The following FOXF2 variants were observed in gnomAD, a reference collection of about 807,000 sequenced individuals.
FOXF2 encodes forkhead box F2.
FOXF2 carries 15 observed loss-of-function variants against 29.1 expected under a neutral mutation model. The observed-to-expected ratio is 0.52, with a 90% CI of 0.35 to 0.79. The LOEUF is 0.79. FOXF2 is among the 30% of genes least tolerant of loss of function. The pLI is 0.01. For synonymous variants in FOXF2, 337 were observed against 316.5 expected (o/e 1.06, Z -0.69); for missense variants, 675 against 667.1 (o/e 1.01, Z -0.13).
chr6:1,390,582 G>A lies in FOXF2; in HGVS notation c.635G>A (p.Ser212Asn), dbSNP rs1165568399. ...AAGCCCATGTACCACCGCGTGGTGAGCGGCTTGGGCTTCGGGGCGTCGCTG... is the reference window on the plus strand; with the variant it reads ...AAGCCCATGTACCACCGCGTGGTGAACGGCTTGGGCTTCGGGGCGTCGCTG... Reference protein sequence around the residue: ...ALKPMYHRVVSGLGFGASLLP... With the variant: ...ALKPMYHRVVNGLGFGASLLP... The change falls in exon 1 of 2, where the codon AGC becomes AAC. Residue 212 changes from serine (S) to asparagine (N), a missense_variant. Physicochemically the swap from Ser to Asn is conservative, Grantham distance 46 (BLOSUM62 1). Transcript: ENST00000645481. The surrounding 1 kb of genome is among the most constrained non-coding windows in gnomAD (Gnocchi z 8.5). The A allele has an allele frequency of 2.5e-6, 4 of 1,598,988 alleles. No individual in the cohort carries two copies. The highest frequency in any genetic ancestry group is 2.2e-5 in the South Asian group (2 of 90,614).
At chr6:1,392,267 G>A (rs1758803963) in intron 1 of FOXF2, among the ~76,000 whole-genome samples, 3 of 152,246 alleles carry the variant, frequency 2.0e-5, no homozygotes, top group African/African-American at 7.2e-5. Flanking sequence ...GGGTCTCAGA[G>A]GTTAACCAAA....
In FOXF2 at chr6:1,390,065, G is replaced by A. The variant is rs1163121584; in HGVS notation, c.118G>A (p.Ala40Thr). Residue 40 changes from alanine (A) to threonine (T), a missense_variant, in exon 1 of 2, where the codon GCC (alanine) becomes ACC (threonine). By Grantham distance (58) the Ala-to-Thr change is moderately conservative (BLOSUM62 0). Transcript: ENST00000645481. This position sits in a 1 kb window ranked among gnomAD's most constrained non-coding sequence, Gnocchi z 8.5. ...PPPAAAAAAA[A>T]APETTSSSSS... is the part of the protein sequence containing the mutation. ...GCCCGCCGCCGCCGCCGCCGCCGCC[G>A]CCGCCCCGGAGACCACCTCCTCCTC... 2 of 1,389,408 alleles carry A rather than the reference G, an allele frequency of 1.4e-6. No individual in the cohort carries two copies. The highest frequency in any genetic ancestry group is 1.5e-5 in the South Asian group (1 of 66,276). 86.1% of individuals were successfully genotyped at this position (1,389,408 alleles called of 1,614,324 possible). A position where few individuals can be genotyped will look rare whatever the true frequency, so the allele number is the denominator to read the frequency against.
Position 1,391,034 on chromosome 6 carries a change from G to T in FOXF2, c.1087G>T (p.Ala363Ser). Reference protein sequence around the residue: ...PALTPSSNPAASAGLHSSMSS... With the variant: ...PALTPSSNPASSAGLHSSMSS... ...CCTGACGCCCAGCAGCAACCCCGCCGCCTCGGCAGGCCTGCACTCCAGCAT... is the reference window on the plus strand; with the variant it reads ...CCTGACGCCCAGCAGCAACCCCGCCTCCTCGGCAGGCCTGCACTCCAGCAT... Residue 363 changes from alanine (A) to serine (S), a missense_variant, in exon 1 of 2, where the codon GCC becomes TCC. Ala to Ser is a moderately conservative substitution (Grantham distance 99). Coordinates refer to ENST00000645481, the MANE Select transcript of FOXF2 (RefSeq NM_001452.2). The T allele has an allele frequency of 6.2e-7, 1 of 1,600,186 alleles. No individual in the cohort carries two copies. Among genetic ancestry groups the T allele is most frequent in the Non-Finnish European group, 8.5e-7 (1 of 1,178,224 alleles).
rs1180836339 is a variant in FOXF2 at position 1,394,942 on chromosome 6, C to T, written c.*83C>T. On this transcript the variant is annotated 3_prime_UTR_variant, in exon 2 of 2. Transcript: ENST00000645481. The stretch of plus-strand genomic sequence containing the variant: ...TAGAAACTGGGACGGATTCAAGTCA[C>T]ATGCACGCGGATAGCAGTAAGCCAC... 7.1e-7 allele frequency: 1 copy of T among 1,405,950 alleles called. No individual in the cohort carries two copies. Among genetic ancestry groups the T allele is most frequent in the Non-Finnish European group, 1.0e-6 (1 of 995,788 alleles). The allele number at this position is 1,405,950 out of a possible 1,614,324, so 87.1% of individuals were successfully genotyped here. A position where few individuals can be genotyped will look rare whatever the true frequency, so the allele number is the denominator to read the frequency against.
At chr6:1,391,912 C>A (rs972336206) in intron 1 of FOXF2, among the ~76,000 whole-genome samples, 46 of 152,200 alleles carry the variant, frequency 3.0e-4, no homozygotes, top group African/African-American at 9.9e-4. Context: ...TTGCTGAAGG[C>A]GGTGAAAGGT....
At chr6:1,394,639 T>C in intron 1 of FOXF2, 57 bp from the exon 2 acceptor site, 4 of 1,555,368 alleles carry the variant, frequency 2.6e-6, no homozygotes, top group African/African-American at 1.4e-5. Context: ...TAAGACACCC[T>C]GCCATCCACT....
At chr6:1,391,385 G>C (rs41300825) in intron 1 of FOXF2, among the ~76,000 whole-genome samples, 32,659 of 152,194 alleles carry the variant, frequency 0.21, 3,931 homozygotes, top group Admixed American at 0.3. Flanking sequence ...TGCCTTCCTG[G>C]GCTCTTTGGG....
At chr6:1,393,782 G>C (rs1758844769) in intron 1 of FOXF2, among the ~76,000 whole-genome samples, 1 of 152,248 alleles carries the variant, frequency 6.6e-6, no homozygotes. Context: ...GTGCCGAGAG[G>C]GCCCGGTCCA....
Position 1,395,167 on chromosome 6 carries a change from C to T in FOXF2, c.*308C>T, listed in dbSNP as rs1463796046. Reference sequence around the variant, plus strand: ...ACGTGTATCTGTGGGATCTTCGTTGCCTTCAGTAATCAGGGTGTGAAAAAA... The same window carrying T: ...ACGTGTATCTGTGGGATCTTCGTTGTCTTCAGTAATCAGGGTGTGAAAAAA... On this transcript the variant is annotated 3_prime_UTR_variant, in exon 2 of 2. Transcript: ENST00000645481. 2.4e-6 allele frequency: 1 copy of T among 415,082 alleles called. No homozygotes were observed. The allele number at this position is 415,082 out of a possible 1,614,324, so 25.7% of individuals were successfully genotyped here. A position where few individuals can be genotyped will look rare whatever the true frequency, so the allele number is the denominator to read the frequency against.
chr6:1,394,123 C>G (rs930075734), intron 1 of FOXF2, among the ~76,000 whole-genome samples: 1 of 152,246 alleles, frequency 6.6e-6, no homozygotes, highest in South Asian at 2.1e-4. Context: ...AAGAGGCGTG[C>G]TTTTCTGCCC....
intron 1 of FOXF2, among the ~76,000 whole-genome samples, chr6:1,393,126 G>C (rs371821861): frequency 1.3e-5 from 2 of 152,036 alleles, no homozygotes; most frequent in African/African-American, 4.8e-5. Flanking sequence ...CAGTCTCCCC[G>C]GCACACAGAT....
intron 1 of FOXF2, among the ~76,000 whole-genome samples, chr6:1,391,677 G>A (rs1041142723): frequency 2.6e-5 from 4 of 152,098 alleles, no homozygotes; most frequent in African/African-American, 9.7e-5. Context: ...TTCACTAAAG[G>A]GACATTTGCC....
Position 1,390,004 on chromosome 6 carries a change from C to A in FOXF2, c.57C>A (p.Val19=). ...CGCTCCGCCGCGCGTGCAGCCCGGT[C>A]CCCGGCGCGCTCCAGGCCGCCCTGA... ...PAPLRRACSP[V]PGALQAALMS... Residue 19 remains valine, a synonymous_variant, in exon 1 of 2, where the codon GTC becomes GTA. Coordinates refer to ENST00000645481, the MANE Select transcript of FOXF2 (RefSeq NM_001452.2). The surrounding 1 kb of genome is among the most constrained non-coding windows in gnomAD (Gnocchi z 8.5). 9.0e-7 allele frequency: 1 copy of A among 1,113,156 alleles called. No homozygotes were observed. 69.0% of individuals were successfully genotyped at this position (1,113,156 alleles called of 1,614,324 possible).
rs894946479 is a variant in FOXF2, at chr6:1,389,876, G to C, written c.-72G>C. The C allele has an allele frequency of 4.1e-6, 2 of 493,622 alleles. No individual in the cohort carries two copies. The highest frequency in any genetic ancestry group is 5.2e-6 in the Non-Finnish European group (2 of 382,608). The allele number at this position is 493,622 out of a possible 1,614,324, so 30.6% of individuals were successfully genotyped here. Reference sequence around the variant, plus strand: ...AGGGCGCTCGCAGGGCTTCTGGGCCGACCCCGCTCCGGCGCCTCCGCTTCC... The same window carrying C: ...AGGGCGCTCGCAGGGCTTCTGGGCCCACCCCGCTCCGGCGCCTCCGCTTCC... On this transcript the variant is annotated 5_prime_UTR_variant, in exon 1 of 2. Coordinates refer to ENST00000645481, the MANE Select transcript of FOXF2 (RefSeq NM_001452.2).
Position 1,389,963 on chromosome 6 carries a change from G to A in FOXF2, c.16G>A (p.Gly6Arg), listed in dbSNP as rs1236608519. The A allele has an allele frequency of 2.0e-6, 2 of 998,042 alleles. No homozygotes were observed. Among genetic ancestry groups the A allele is most frequent in the South Asian group, 4.3e-5 (1 of 23,212 alleles). The allele number at this position is 998,042 out of a possible 1,614,324, so 61.8% of individuals were successfully genotyped here. Reference protein sequence around the residue: MTTEGGPPPAPLRRAC... With the variant: MTTEGRPPPAPLRRAC... ...CGGGTCCCAGATGACCACCGAGGGC[G>A]GGCCGCCGCCGGCCCCGCTCCGCCG... The change falls in exon 1 of 2, where the codon GGG becomes AGG. Residue 6 changes from glycine (G) to arginine (R), a missense_variant. Transcript: ENST00000645481.
In FOXF2 at chr6:1,390,476, G is replaced by C. The variant is rs1180240943; in HGVS notation, c.529G>C (p.Asp177His). 17 of 1,611,772 alleles carry C rather than the reference G, an allele frequency of 1.1e-5. No homozygotes were observed. Among genetic ancestry groups the C allele is most frequent in the Non-Finnish European group, 1.4e-5 (16 of 1,179,878 alleles). Residue 177 changes from aspartate (D) to histidine (H), a missense_variant, in exon 1 of 2, where the codon GAC (aspartate) becomes CAC (histidine). Asp to His is a moderately conservative substitution (Grantham distance 81). Transcript: ENST00000645481. The surrounding 1 kb of genome is among the most constrained non-coding windows in gnomAD (Gnocchi z 8.5). Reference sequence around the variant, plus strand: ...CGGCAAGGGCCACTACTGGACCATCGACCCGGCCAGCGAGTTCATGTTCGA... The same window carrying C: ...CGGCAAGGGCCACTACTGGACCATCCACCCGGCCAGCGAGTTCATGTTCGA... ...RPGKGHYWTI[D>H]PASEFMFEEG...
At chr6:1,392,507 C>G (rs949919747) in intron 1 of FOXF2, among the ~76,000 whole-genome samples, 1 of 151,682 alleles carries the variant, frequency 6.6e-6, no homozygotes, top group Admixed American at 6.6e-5. Context: ...TTCCCTTCCC[C>G]GCCTGCCTGC....
At chr6:1,393,768 C>A (rs1056034496) in intron 1 of FOXF2, among the ~76,000 whole-genome samples, 8 of 152,370 alleles carry the variant, frequency 5.3e-5, no homozygotes, top group Non-Finnish European at 8.8e-5. Flanking sequence ...CCTAACGCAG[C>A]CCGGTGCCGA....
At position 1,390,877 on chromosome 6, in the gene FOXF2, G is replaced by T. The variant is rs1303431166; in HGVS notation, c.930G>T (p.Pro310=). 1 of 1,525,802 alleles carries T rather than the reference G, an allele frequency of 6.6e-7. No homozygotes were observed. 94.5% of individuals were successfully genotyped at this position (1,525,802 alleles called of 1,614,324 possible). The part of the protein sequence containing the change: ...AGGGGGGDYG[P]DSSSSPVPSS... The stretch of plus-strand genomic sequence containing the variant: ...GCGGCGGCGGCGGCGACTACGGGCC[G>T]GACAGCAGCAGCAGCCCGGTACCCT... The change falls in exon 1 of 2, where the codon CCG becomes CCT. Residue 310 remains proline, a synonymous_variant. Coordinates refer to ENST00000645481, the MANE Select transcript of FOXF2 (RefSeq NM_001452.2). This position sits in a 1 kb window ranked among gnomAD's most constrained non-coding sequence, Gnocchi z 8.5.
Sources: allele counts gnomAD v4.1 joint callset (sites outside exome capture counted in the v4.1 genomes callset), GRCh38; gene constraint gnomAD v4.1.1; non-coding constraint Gnocchi (gnomAD v3.1); transcripts MANE v1.5; gene names NCBI Gene and HGNC (gene_info 2026-07-23, HGNC 2026-07-21).